The following PCDHGA4 variants were observed in gnomAD, a reference collection of about 807,000 sequenced individuals.
PCDHGA4 encodes the protein protocadherin gamma-A4.
In PCDHGA4, 38 loss-of-function variants were observed where a neutral mutation model predicts 54.6. The ratio of observed to expected loss-of-function variants is 0.70; its 90% CI spans 0.54 to 0.91. The LOEUF (loss-of-function observed/expected upper bound fraction) is 0.91, where lower values mean the gene tolerates loss of function less well. Ranked by LOEUF, PCDHGA4 falls within the 40% of genes least tolerant of loss-of-function variation. PCDHGA4 has a pLI of 0.00. For synonymous variants in PCDHGA4, 511 were observed against 512.9 expected (o/e 1.00, Z 0.05); for missense variants, 1,298 against 1,220.9 (o/e 1.06, Z -0.94).
intron 1 of PCDHGA4, chr5:141,376,308 G>T (rs766557828): frequency 6.2e-7 from 1 of 1,614,208 alleles, no homozygotes; most frequent in South Asian, 1.1e-5. Context: ...CACTTTGTGG[G>T]CGTGGAAGGG....
At position 141,489,436 on chromosome 5, in the gene PCDHGA4, T is replaced by C. The variant is rs1002519; in HGVS notation, c.2515-5371T>C. 0.23 allele frequency: 369,130 copies of C among 1,613,832 alleles called. 44,340 individuals are homozygous for C. The highest frequency in any genetic ancestry group is 0.38 in the Admixed American group (23,024 of 60,000). On this transcript the variant is annotated intron_variant, in intron 1 of 3. Transcript: ENST00000571252. The surrounding 1 kb of genome is among the most constrained non-coding windows in gnomAD (Gnocchi z 4.5). ...AGATCTGTTGAGCCGGCGGCTGCAATTGGGCTCTGAGGAGAATGGGCGCTA... is the reference window on the plus strand; with the variant it reads ...AGATCTGTTGAGCCGGCGGCTGCAACTGGGCTCTGAGGAGAATGGGCGCTA...
chr5:141,422,907 G>C (rs1330364637), intron 1 of PCDHGA4: 4 of 1,614,078 alleles, frequency 2.5e-6, no homozygotes, highest in Non-Finnish European at 3.4e-6. Flanking sequence ...ACGACAATGC[G>C]CCCGAGATCC....
chr5:141,366,286 C>T, intron 1 of PCDHGA4: 1 of 1,613,720 alleles, frequency 6.2e-7, no homozygotes. Flanking sequence ...ATGGCCAGCC[C>T]CCTCTGTCAG....
At chr5:141,389,354 G>A in intron 1 of PCDHGA4, 5 of 1,613,934 alleles carry the variant, frequency 3.1e-6, no homozygotes, top group African/African-American at 2.7e-5. Flanking sequence ...ACTGCATCAT[G>A]GCCAGTGACC....
At chr5:141,481,210 G>A (rs1351826116) in intron 1 of PCDHGA4, among the ~76,000 whole-genome samples, 2 of 152,128 alleles carry the variant, frequency 1.3e-5, no homozygotes, top group Admixed American at 1.3e-4. Context: ...TAAAAAACAT[G>A]GTAAGGTCTC....
At position 141,357,262 on chromosome 5, in the gene PCDHGA4, G is replaced by A; in HGVS notation, c.2155G>A (p.Gly719Ser). 6.2e-7 allele frequency: 1 copy of A among 1,613,786 alleles called. No individual in the cohort carries two copies. Among genetic ancestry groups the A allele is most frequent in the East Asian group, 2.2e-5 (1 of 44,874 alleles). ...LKPSADPDDS[G>S]LTLYLVVAVA... is the part of the protein sequence containing the mutation. ...GCCTTCAGCAGACCCAGACGACTCG[G>A]GCCTCACACTCTATCTCGTGGTGGC... Residue 719 changes from glycine to serine, a missense_variant, in exon 1 of 4, where the codon GGC (glycine) becomes AGC (serine). Coordinates refer to ENST00000571252, the MANE Select transcript of PCDHGA4 (RefSeq NM_018917.4).
At chr5:141,408,962 A>G (rs1561716536) in intron 1 of PCDHGA4, 3 of 1,613,638 alleles carry the variant, frequency 1.9e-6, no homozygotes, top group Admixed American at 3.3e-5. Flanking sequence ...TCTTAGTGAA[A>G]ATCTGCCCCC....
chr5:141,475,950 C>A, intron 1 of PCDHGA4: 1 of 761,530 alleles, frequency 1.3e-6, no homozygotes, highest in African/African-American at 1.7e-5. Flanking sequence ...CCCCTTTCTG[C>A]GCCCCGGGAT....
chr5:141,414,778 C>G, intron 1 of PCDHGA4: 5 of 1,614,202 alleles, frequency 3.1e-6, no homozygotes, highest in Non-Finnish European at 3.4e-6. Context: ...GCTACAGATG[C>G]AGGTGACAGC....
At chr5:141,467,901 C>T (rs1484485803) in intron 1 of PCDHGA4, among the ~76,000 whole-genome samples, 7 of 152,034 alleles carry the variant, frequency 4.6e-5, no homozygotes, top group Admixed American at 1.3e-4. Flanking sequence ...TCAAGAAATC[C>T]GCCCACCTCA....
intron 1 of PCDHGA4, among the ~76,000 whole-genome samples, chr5:141,386,520 G>T (rs976508801): frequency 0.014 from 2 of 142 alleles, no homozygotes; most frequent in Non-Finnish European, 0.032. Flanking sequence ...TTCAAAAAAA[G>T]ACTCTTTTTA....
At position 141,370,660 on chromosome 5, in the gene PCDHGA4, G is replaced by T. The variant is rs199537402; in HGVS notation, c.2514+13039G>T. 1.4e-4 allele frequency: 220 copies of T among 1,613,752 alleles called. No individual in the cohort carries two copies. The highest frequency in any genetic ancestry group is 4.9e-4 in the Middle Eastern group (3 of 6,084). Reference sequence around the variant, plus strand: ...AATGGGAACTTACTTGTGAGCGACCGTATAGACCGAGAGGAGATTTGTGGC... The same window carrying T: ...AATGGGAACTTACTTGTGAGCGACCTTATAGACCGAGAGGAGATTTGTGGC... On this transcript the variant is annotated intron_variant, in intron 1 of 3. Transcript: ENST00000571252.
In PCDHGA4 at chr5:141,356,493, A is replaced by G. The variant is rs1364777213; in HGVS notation, c.1386A>G (p.Pro462=). The G allele has an allele frequency of 3.1e-6, 5 of 1,613,938 alleles. No individual in the cohort carries two copies. The highest frequency in any genetic ancestry group is 3.3e-5 in the Admixed American group (2 of 60,020). The part of the protein sequence containing the change: ...TVTATDQGTP[P]LSTETHISLQ... ...CTGCCACTGACCAGGGAACTCCTCC[A>G]CTGTCTACAGAAACTCATATTTCAC... The change falls in exon 1 of 4, where the codon CCA becomes CCG. Residue 462 remains proline (P), a synonymous_variant. Transcript: ENST00000571252.
At chr5:141,413,958 G>C in intron 1 of PCDHGA4, 1 of 1,613,392 alleles carries the variant, frequency 6.2e-7, no homozygotes, top group African/African-American at 1.3e-5. Flanking sequence ...ATTTGCCTGT[G>C]GGCACTCAGC....
intron 1 of PCDHGA4, chr5:141,375,201 A>T (rs1173523858): frequency 6.2e-7 from 1 of 1,614,004 alleles, no homozygotes; most frequent in Non-Finnish European, 8.5e-7. Flanking sequence ...CAAGTGTTCG[A>T]TCGAGACTCT....
chr5:141,466,510 A>AT (rs1222513096), intron 1 of PCDHGA4, among the ~76,000 whole-genome samples: 1 of 151,938 alleles, frequency 6.6e-6, no homozygotes, highest in African/African-American at 2.4e-5. Context: ...AGACAAGATC[A>AT]TTTTTTTTCC....
chr5:141,366,763 C>T (rs1764787065), intron 1 of PCDHGA4: 3 of 1,604,810 alleles, frequency 1.9e-6, no homozygotes, highest in Non-Finnish European at 2.6e-6. Context: ...TTAGTTTTCT[C>T]TTTCGGTAAG....
Position 141,417,739 on chromosome 5 carries a change from C to G in PCDHGA4, c.2514+60118C>G, listed in dbSNP as rs1002260902. On this transcript the variant is annotated intron_variant, in intron 1 of 3. Transcript: ENST00000571252. The stretch of plus-strand genomic sequence containing the variant: ...GGCTGCGCAGACCTTGCCCAGCACA[C>G]CAGATTGCCAGCTCCGAGACCCGGG... 1.6e-5 allele frequency: 22 copies of G among 1,411,706 alleles called. No homozygotes were observed. In the African/African-American group the frequency reaches 1.7e-4, roughly 11 times the overall value. The allele number at this position is 1,411,706 out of a possible 1,614,324, so 87.4% of individuals were successfully genotyped here.
At chr5:141,372,987 A>T (rs1769224200) in intron 1 of PCDHGA4, 5 of 640,814 alleles carry the variant, frequency 7.8e-6, no homozygotes, top group Non-Finnish European at 1.0e-5. Flanking sequence ...TCTGTGTTGC[A>T]GTTGTTCTTT....
Sources: allele counts gnomAD v4.1 joint callset (sites outside exome capture counted in the v4.1 genomes callset), GRCh38; gene constraint gnomAD v4.1.1; non-coding constraint Gnocchi (gnomAD v3.1); transcripts MANE v1.5; gene names NCBI Gene and HGNC (gene_info 2026-07-23, HGNC 2026-07-21).